Variants in EBF4 observed in about 807,000 individuals in gnomAD.
EBF4 encodes the protein EBF transcription factor 4, also known as transcription factor COE4.
EBF4 carries 34 observed loss-of-function variants against 67.1 expected under a neutral mutation model. That is an observed-to-expected ratio of 0.51 (90% CI 0.39 to 0.67). The LOEUF is 0.67. Among genes scored for constraint, EBF4 ranks in the 30% least tolerant of loss-of-function variants. The probability of loss-of-function intolerance (pLI) is 0.00; values close to 1 mark genes in which losing one functional copy is unlikely to be tolerated. For missense variants in EBF4, 837 were observed against 873.3 expected, an observed-to-expected ratio of 0.96 and a Z score of 0.52; for synonymous variants, 387 against 377.7, an observed-to-expected ratio of 1.02 and a Z score of -0.29.
intron 1 of EBF4, among the ~76,000 whole-genome samples, chr20:2,697,099 A>G (rs1018996817): frequency 2.0e-5 from 3 of 152,186 alleles, no homozygotes; most frequent in African/African-American, 7.2e-5. Context: ...GGAATCAGCT[A>G]CTGGAGCAGC....
At chr20:2,697,426 T>C (rs1462942311) in intron 1 of EBF4, among the ~76,000 whole-genome samples, 1 of 151,754 alleles carries the variant, frequency 6.6e-6, no homozygotes, top group Non-Finnish European at 1.5e-5. Flanking sequence ...GCGCCTGTAG[T>C]CCCAGCTACT....
chr20:2,717,034 G>A lies in EBF4; in HGVS notation c.557+7392G>A, dbSNP rs1237351104. On this transcript the variant is annotated intron_variant, in intron 6 of 16. Coordinates refer to ENST00000609451, the Ensembl canonical transcript of EBF4. ...AAGCAATATTACAATGAACCTATAC[G>A]TCAATTTGAAGAAGAATTTGTCTTT... is the stretch of plus-strand genomic sequence containing the variant. 5.9e-5 allele frequency among the ~76,000 whole-genome samples: 9 copies of A among 152,218 alleles called. No homozygotes were observed. The South Asian group carries it at 1.7e-3, about 28-fold the overall frequency.
At chr20:2,732,101 C>CTT (rs1041748003) in intron 6 of EBF4, among the ~76,000 whole-genome samples, 3 of 144,298 alleles carry the variant, frequency 2.1e-5, no homozygotes, top group East Asian at 2.0e-4. Context: ...GATACATGTG[C>CTT]TTTTTTTTTT....
rs901479132 is a variant in EBF4, at chr20:2,744,226, G to A, written c.558-4323G>A. Among the ~76,000 whole-genome samples, 8 of 150,774 alleles carry A rather than the reference G, an allele frequency of 5.3e-5. No individual in the cohort carries two copies. The East Asian group carries it at 8.0e-4, about 15-fold the overall frequency. Reference sequence around the variant, plus strand: ...CTCCCGAGTAGCTGGGATTACAGGCGCCTGCCACCACGCCCGGCTAATTTT... The same window carrying A: ...CTCCCGAGTAGCTGGGATTACAGGCACCTGCCACCACGCCCGGCTAATTTT... On this transcript the variant is annotated intron_variant, in intron 6 of 16. Coordinates refer to ENST00000609451, the Ensembl canonical transcript of EBF4.
chr20:2,749,931 A>G (rs1174409652), exon 10 of EBF4: 4 of 1,551,090 alleles, frequency 2.6e-6, no homozygotes, highest in Non-Finnish European at 3.5e-6. Flanking sequence ...CTACAAGTCC[A>G]AGCAGTTTTG....
chr20:2,736,167 G>T (rs1285988596), intron 6 of EBF4, among the ~76,000 whole-genome samples: 1 of 152,174 alleles, frequency 6.6e-6, no homozygotes, highest in Admixed American at 6.5e-5. Flanking sequence ...GGATGACCCT[G>T]TGGCAGGGGT....
At chr20:2,734,833 C>T (rs934345826) in intron 6 of EBF4, among the ~76,000 whole-genome samples, 35 of 152,310 alleles carry the variant, frequency 2.3e-4, no homozygotes, top group African/African-American at 7.7e-4. Context: ...AGTGCTCCAG[C>T]GATTTACAAC....
At chr20:2,758,884 G>T in intron 15 of EBF4, 25 bp from the exon 16 acceptor site, 1 of 1,550,702 alleles carries the variant, frequency 6.4e-7, no homozygotes, top group Non-Finnish European at 8.7e-7. Flanking sequence ...ATGGCTTATG[G>T]CTCCTTTTTC....
chr20:2,730,960 G>A lies in EBF4; in HGVS notation c.558-17589G>A, dbSNP rs181232891. On this transcript the variant is annotated intron_variant, in intron 6 of 16. Transcript: ENST00000609451. ...CATCACCAGGCTGGAGTGCAGTGGC[G>A]CAATCTCGGCTCACTGCAACCTCCA... Among the ~76,000 whole-genome samples the A allele has an allele frequency of 6.5e-3, 983 of 152,232 alleles. 7 individuals are homozygous for A. The highest frequency in any genetic ancestry group is 0.015 in the South Asian group (72 of 4,820).
At chr20:2,737,813 A>G (rs557188035) in intron 6 of EBF4, among the ~76,000 whole-genome samples, 1 of 83,972 alleles carries the variant, frequency 1.2e-5, no homozygotes, top group African/African-American at 8.0e-5. Context: ...TCTACTAAAA[A>G]TGTGAAAAAA....
At chr20:2,710,271 C>A (rs1270346734) in intron 6 of EBF4, among the ~76,000 whole-genome samples, 1 of 152,100 alleles carries the variant, frequency 6.6e-6, no homozygotes, top group African/African-American at 2.4e-5. Context: ...ACCTCAGCCT[C>A]CCAGGTAATT....
At chr20:2,716,799 T>C (rs1000269021) in intron 6 of EBF4, among the ~76,000 whole-genome samples, 1 of 152,264 alleles carries the variant, frequency 6.6e-6, no homozygotes, top group Non-Finnish European at 1.5e-5. Context: ...TTTGTGGGTC[T>C]GTTCCTAGAC....
chr20:2,747,317 C>CA lies in EBF4; in HGVS notation c.558-1219dup, dbSNP rs57405059. Among the ~76,000 whole-genome samples the CA allele has an allele frequency of 0.033, 4,178 of 127,234 alleles. 122 individuals are homozygous for CA. The highest frequency in any genetic ancestry group is 0.079 in the African/African-American group (2,761 of 34,758). The allele number at this position is 127,234 out of a possible 152,430, so 83.5% of individuals were successfully genotyped here. ...GTCTCAAAACAAAAAACAAAACAAA[C>CA]AAAAAAAAAAAAACAGGAAAAAAAA... On this transcript the variant is annotated intron_variant, in intron 6 of 16. Coordinates refer to ENST00000609451, the Ensembl canonical transcript of EBF4. This position sits in a 1 kb window ranked among gnomAD's most constrained non-coding sequence, Gnocchi z 4.6.
intron 6 of EBF4, among the ~76,000 whole-genome samples, chr20:2,713,520 G>T (rs2087570473): frequency 6.6e-6 from 1 of 152,130 alleles, no homozygotes; most frequent in Admixed American, 6.6e-5. Context: ...GGCACTGAGG[G>T]TACCCTTGAC....
At position 2,701,007 on chromosome 20, in the gene EBF4, G is replaced by A. The variant is rs549171442; in HGVS notation, c.138-4570G>A. 3.3e-5 allele frequency among the ~76,000 whole-genome samples: 5 copies of A among 152,334 alleles called. No individual in the cohort carries two copies. The South Asian group carries it at 1.0e-3, about 32-fold the overall frequency. ...GAGCCGGAGACATTCCCAGGCAAGG[G>A]GCAGCCCCATGTGCGCTGCAGGGCT... On this transcript the variant is annotated intron_variant, in intron 1 of 16. Coordinates refer to ENST00000609451, the Ensembl canonical transcript of EBF4.
chr20:2,757,839 C>T lies in EBF4; in HGVS notation c.1739-1070C>T, dbSNP rs1400829764. On this transcript the variant is annotated intron_variant, in intron 15 of 16. Coordinates refer to ENST00000609451, the Ensembl canonical transcript of EBF4. Reference sequence around the variant, plus strand: ...GCGCATGCCTGTAGTCCCAGCTACTCGGGAGGCTGAGGTGGGAGGATCACT... The same window carrying T: ...GCGCATGCCTGTAGTCCCAGCTACTTGGGAGGCTGAGGTGGGAGGATCACT... Among the ~76,000 whole-genome samples, 5 of 152,034 alleles carry T rather than the reference C, an allele frequency of 3.3e-5. No homozygotes were observed. The South Asian group carries it at 8.3e-4, about 25-fold the overall frequency.
At chr20:2,706,785 C>T (rs2087465177) in intron 4 of EBF4, among the ~76,000 whole-genome samples, 1 of 152,204 alleles carries the variant, frequency 6.6e-6, no homozygotes, top group African/African-American at 2.4e-5. Context: ...GGAGGAAGCC[C>T]TCTGCAGCTG....
intron 6 of EBF4, among the ~76,000 whole-genome samples, chr20:2,719,920 T>G (rs2087658230): frequency 6.6e-6 from 1 of 152,202 alleles, no homozygotes; most frequent in South Asian, 2.1e-4. Context: ...ATTGATAGTG[T>G]TGTTCAAGTG....
chr20:2,749,711 C>G, exon 9 of EBF4: 1 of 1,555,508 alleles, frequency 6.4e-7, no homozygotes, highest in Non-Finnish European at 8.7e-7. Flanking sequence ...ACTTCTTCGA[C>G]GGGTTGCAGG....
Sources: allele counts gnomAD v4.1 joint callset (sites outside exome capture counted in the v4.1 genomes callset), GRCh38; gene constraint gnomAD v4.1.1; non-coding constraint Gnocchi (gnomAD v3.1); transcripts MANE v1.5; gene names NCBI Gene and HGNC (gene_info 2026-07-23, HGNC 2026-07-21).